Variants in ARL15 observed in about 807,000 individuals in gnomAD.
ARL15 encodes the protein ADP-ribosylation factor-like protein 15.
ARL15 carries 19 observed loss-of-function variants against 25.2 expected under a neutral mutation model. The observed-to-expected ratio is 0.75, with a 90% CI of 0.53 to 1.10. The LOEUF is 1.10. ARL15 is among the 50% of genes least tolerant of loss of function. ARL15 has a pLI of 0.00. For synonymous variants in ARL15, 94 were observed against 86.8 expected (o/e 1.08, Z -0.46); for missense variants, 220 against 246.0 (o/e 0.89, Z 0.71).
intron 1 of ARL15, among the ~76,000 whole-genome samples, chr5:54,207,674 A>G (rs1755907948): frequency 6.6e-6 from 1 of 152,232 alleles, no homozygotes. Context: ...TCCAGCAGAC[A>G]AGAAGCTGAC....
At chr5:54,237,322 C>T (rs576076888) in intron 1 of ARL15, among the ~76,000 whole-genome samples, 2 of 152,302 alleles carry the variant, frequency 1.3e-5, no homozygotes, top group East Asian at 3.9e-4. Context: ...AACTGTGAGT[C>T]CACTAAACCT....
At chr5:54,202,901 G>A (rs1755762562) in intron 1 of ARL15, among the ~76,000 whole-genome samples, 1 of 152,040 alleles carries the variant, frequency 6.6e-6, no homozygotes, top group African/African-American at 2.4e-5. Flanking sequence ...GATTTCTGAT[G>A]TGCCAGAATA....
chr5:54,292,379 T>C (rs1758356501), intron 1 of ARL15, among the ~76,000 whole-genome samples: 1 of 152,182 alleles, frequency 6.6e-6, no homozygotes, highest in Admixed American at 6.5e-5. Context: ...TCATTGCCTA[T>C]GTTTCTGACA....
At position 54,106,217 on chromosome 5, in the gene ARL15, G is replaced by A. The variant is rs528577658; in HGVS notation, c.462+6985C>T. 1.0e-3 allele frequency among the ~76,000 whole-genome samples: 159 copies of A among 152,280 alleles called. 2 individuals carry two copies. Among genetic ancestry groups the A allele is most frequent in the African/African-American group, 3.8e-3 (156 of 41,574 alleles). ...TATGTATTAACATGGTTAGAGTGGTGAGGATTCGAGGAAGATGTGGTTTGT... is the reference window on the plus strand; with the variant it reads ...TATGTATTAACATGGTTAGAGTGGTAAGGATTCGAGGAAGATGTGGTTTGT... On this transcript the variant is annotated intron_variant, in intron 4 of 4. Coordinates refer to ENST00000504924, the MANE Select transcript of ARL15 (RefSeq NM_019087.3).
intron 1 of ARL15, among the ~76,000 whole-genome samples, chr5:54,265,557 T>C: frequency 6.6e-6 from 1 of 152,220 alleles, no homozygotes; most frequent in Non-Finnish European, 1.5e-5. Flanking sequence ...TGATTCTTTT[T>C]AAATTGAAGA....
At chr5:54,285,441 A>G (rs1408426969) in intron 1 of ARL15, 1 of 492,144 alleles carries the variant, frequency 2.0e-6, no homozygotes, top group African/African-American at 2.1e-5. Flanking sequence ...GTTATTTACT[A>G]TACAGTCCAA....
chr5:54,078,124 C>T (rs946735207), intron 4 of ARL15, among the ~76,000 whole-genome samples: 22 of 152,174 alleles, frequency 1.4e-4, no homozygotes, highest in African/African-American at 4.8e-4. Flanking sequence ...TTATAATATG[C>T]TCTTAAGTTT....
In ARL15 at chr5:54,278,816, G is replaced by A. The variant is rs544203098; in HGVS notation, c.48+31616C>T. Among the ~76,000 whole-genome samples, 14 of 152,256 alleles carry A rather than the reference G, an allele frequency of 9.2e-5. 1 individual carries two copies. Among genetic ancestry groups the A allele is most frequent in the African/African-American group, 3.1e-4 (13 of 41,544 alleles). On this transcript the variant is annotated intron_variant, in intron 1 of 4. Coordinates refer to ENST00000504924, the MANE Select transcript of ARL15 (RefSeq NM_019087.3). ...GTCTGTCTACTCCAAACCTCAGTGG[G>A]AAAGGTGGACGGCATGCACTGGATA...
At chr5:54,155,163 C>T (rs778365154) in intron 2 of ARL15, among the ~76,000 whole-genome samples, 19 of 152,148 alleles carry the variant, frequency 1.2e-4, no homozygotes, top group South Asian at 6.2e-4. Flanking sequence ...TTGTGTATTA[C>T]GGCAATATAT....
intron 3 of ARL15, among the ~76,000 whole-genome samples, chr5:54,135,465 T>G (rs1226530119): frequency 6.6e-6 from 1 of 152,180 alleles, no homozygotes; most frequent in African/African-American, 2.4e-5. Context: ...ATAATTAGAT[T>G]GAAAAGTGAT....
chr5:54,074,056 G>A (rs1230396170), intron 4 of ARL15, among the ~76,000 whole-genome samples: 1 of 152,158 alleles, frequency 6.6e-6, no homozygotes, highest in Non-Finnish European at 1.5e-5. Flanking sequence ...AGTGATAGCT[G>A]AATATTCACT....
chr5:53,994,175 T>C (rs1241863613), intron 4 of ARL15, among the ~76,000 whole-genome samples: 2 of 152,222 alleles, frequency 1.3e-5, no homozygotes, highest in Non-Finnish European at 2.9e-5. Context: ...TCATATAGTA[T>C]TCCACCTGAA....
intron 4 of ARL15, among the ~76,000 whole-genome samples, chr5:54,015,450 T>C (rs1259158940): frequency 6.6e-6 from 1 of 152,182 alleles, no homozygotes; most frequent in Non-Finnish European, 1.5e-5. Flanking sequence ...TTTAACTATC[T>C]CCTTAACATC....
At chr5:53,936,651 G>A (rs1302257110) in intron 4 of ARL15, among the ~76,000 whole-genome samples, 1 of 152,176 alleles carries the variant, frequency 6.6e-6, no homozygotes, top group African/African-American at 2.4e-5. Context: ...AGCTGCTCTT[G>A]CCATTGTTGT....
At chr5:54,052,237 A>G (rs1006970190) in intron 4 of ARL15, among the ~76,000 whole-genome samples, 4 of 152,230 alleles carry the variant, frequency 2.6e-5, no homozygotes, top group African/African-American at 4.8e-5. Flanking sequence ...CCAAAACCCA[A>G]AGAACTTTAT....
chr5:53,940,103 C>A (rs11742407), intron 4 of ARL15, among the ~76,000 whole-genome samples: 2 of 151,828 alleles, frequency 1.3e-5, no homozygotes, highest in Admixed American at 6.6e-5. Context: ...CTCAGCCTCC[C>A]GAGTAGCTGG....
intron 4 of ARL15, among the ~76,000 whole-genome samples, chr5:53,914,450 C>A (rs1260784758): frequency 6.6e-6 from 1 of 152,204 alleles, no homozygotes; most frequent in African/African-American, 2.4e-5. Flanking sequence ...CTGGAACCTC[C>A]TTCCCTTCCC....
chr5:54,029,751 C>T (rs1449054560), intron 4 of ARL15, among the ~76,000 whole-genome samples: 12 of 151,928 alleles, frequency 7.9e-5, no homozygotes, highest in East Asian at 1.9e-4. Flanking sequence ...CTCAGCACTT[C>T]GGGAGGCTGA....
At chr5:54,093,625 A>T (rs1752195631) in intron 4 of ARL15, among the ~76,000 whole-genome samples, 1 of 151,740 alleles carries the variant, frequency 6.6e-6, no homozygotes, top group Admixed American at 6.6e-5. Context: ...ACTGACTTGG[A>T]TTTCTTGCAA....
Sources: allele counts gnomAD v4.1 joint callset (sites outside exome capture counted in the v4.1 genomes callset), GRCh38; gene constraint gnomAD v4.1.1; transcripts MANE v1.5; gene names NCBI Gene and HGNC (gene_info 2026-07-23, HGNC 2026-07-21).